Variants in NR3C2 observed in about 807,000 individuals in gnomAD.
The protein encoded by NR3C2 is mineralocorticoid receptor.
Under a neutral mutation model 86.4 loss-of-function variants are expected in NR3C2, and 15 were observed. The observed-to-expected ratio is 0.17, with a 90% CI of 0.12 to 0.27. NR3C2 has a LOEUF of 0.27. Ranked by LOEUF, NR3C2 falls within the 10% of genes least tolerant of loss-of-function variation. The pLI, the probability that NR3C2 is intolerant of heterozygous loss-of-function variation, is 1.00. For synonymous variants in NR3C2, 458 were observed against 450.5 expected, an observed-to-expected ratio of 1.02 and a Z score of -0.21; for missense variants, 960 against 1,195.6, an observed-to-expected ratio of 0.80 and a Z score of 2.91.
chr4:148,139,294 G>C (rs1733500315), intron 6 of NR3C2, among the ~76,000 whole-genome samples: 2 of 152,134 alleles, frequency 1.3e-5, no homozygotes, highest in African/African-American at 4.8e-5. Flanking sequence ...TCAAAACTTT[G>C]GGCTTTGGTT....
intron 8 of NR3C2, among the ~76,000 whole-genome samples, chr4:148,101,386 G>A (rs17024380): frequency 0.26 from 40,220 of 151,960 alleles, 6,178 homozygotes; most frequent in African/African-American, 0.42. Context: ...AGTCAGCCAC[G>A]AAAGCTATGA....
chr4:148,198,383 A>G (rs1736539318), intron 3 of NR3C2, among the ~76,000 whole-genome samples: 1 of 152,188 alleles, frequency 6.6e-6, no homozygotes, highest in Non-Finnish European at 1.5e-5. Context: ...CCTGGTCCCA[A>G]CTGAGAAAAT....
chr4:148,328,543 G>C (rs1334714378), intron 2 of NR3C2, among the ~76,000 whole-genome samples: 1 of 152,254 alleles, frequency 6.6e-6, no homozygotes, highest in South Asian at 2.1e-4. Context: ...AGGAATCAGA[G>C]GAGACCTCAC....
intron 2 of NR3C2, among the ~76,000 whole-genome samples, chr4:148,269,599 T>C (rs1260824990): frequency 6.6e-6 from 1 of 152,130 alleles, no homozygotes; most frequent in Non-Finnish European, 1.5e-5. Context: ...CAGCGGTTGC[T>C]GATACAATGA....
chr4:148,154,842 G>GCTGCTGTGGCTGCTC lies in NR3C2; in HGVS notation c.2059_2073dup (p.Glu687_Gln691dup), dbSNP rs1270509591. ...GGTGGGGGTGGGGGTGGGGGCTGCTGCTGCTGTGGCTGCTCCTCGTGAATC... is the reference window on the plus strand; with the variant it reads ...GGTGGGGGTGGGGGTGGGGGCTGCTGCTGCTGTGGCTGCTCCTGCTGTGGCTGCTCCTCGTGAATC... On this transcript the variant is annotated inframe_insertion, in exon 5 of 9. Transcript: ENST00000358102. 3 of 1,589,508 alleles carry GCTGCTGTGGCTGCTC rather than the reference G, an allele frequency of 1.9e-6. No homozygotes were observed. Among genetic ancestry groups the GCTGCTGTGGCTGCTC allele is most frequent in the Non-Finnish European group, 2.6e-6 (3 of 1,167,374 alleles).
chr4:148,322,195 T>G (rs1194085927), intron 2 of NR3C2, among the ~76,000 whole-genome samples: 1 of 149,378 alleles, frequency 6.7e-6, no homozygotes, highest in Non-Finnish European at 1.5e-5. Context: ...TTAAGAATGT[T>G]GAATATTGGC....
At chr4:148,380,251 A>G (rs1746901848) in intron 2 of NR3C2, among the ~76,000 whole-genome samples, 1 of 152,158 alleles carries the variant, frequency 6.6e-6, no homozygotes, top group Admixed American at 6.5e-5. Flanking sequence ...CATTGGGCAT[A>G]ATGTTTTCAA....
chr4:148,413,068 T>C (rs560473464), intron 2 of NR3C2, among the ~76,000 whole-genome samples: 1 of 152,310 alleles, frequency 6.6e-6, no homozygotes, highest in African/African-American at 2.4e-5. Context: ...ACAAGCATAA[T>C]ATTTTCATAA....
chr4:148,095,515 T>G (rs1329649073), intron 8 of NR3C2, among the ~76,000 whole-genome samples: 1 of 151,998 alleles, frequency 6.6e-6, no homozygotes, highest in Non-Finnish European at 1.5e-5. Context: ...AGTGGGTGAG[T>G]TTTGGAGAGT....
chr4:148,147,956 C>T (rs541409421), intron 6 of NR3C2, among the ~76,000 whole-genome samples: 112 of 152,306 alleles, frequency 7.4e-4, no homozygotes, highest in African/African-American at 2.5e-3. Context: ...TCTTTCCTTG[C>T]GATCCATGTG....
At chr4:148,280,916 C>T (rs564999610) in intron 2 of NR3C2, among the ~76,000 whole-genome samples, 10 of 152,284 alleles carry the variant, frequency 6.6e-5, no homozygotes, top group Middle Eastern at 3.4e-3. Context: ...CTCTTTTAGA[C>T]GAATCTTTAT....
intron 1 of NR3C2, among the ~76,000 whole-genome samples, chr4:148,438,963 A>G (rs62332388): frequency 0.27 from 41,757 of 152,130 alleles, 6,569 homozygotes; most frequent in Middle Eastern, 0.53. Context: ...TCACTTAAAG[A>G]ACATCCTATG....
chr4:148,348,484 C>A (rs992556), intron 2 of NR3C2, among the ~76,000 whole-genome samples: 1 of 151,912 alleles, frequency 6.6e-6, no homozygotes, highest in Non-Finnish European at 1.5e-5. Flanking sequence ...TCCAAATTCA[C>A]GAAATTTATT....
chr4:148,087,716 A>C (rs1730879803), intron 8 of NR3C2, among the ~76,000 whole-genome samples: 1 of 152,218 alleles, frequency 6.6e-6, no homozygotes, highest in Admixed American at 6.5e-5. Context: ...AATCAACTCA[A>C]GATGGATTAA....
intron 3 of NR3C2, among the ~76,000 whole-genome samples, chr4:148,223,994 G>T (rs988376607): frequency 2.0e-5 from 3 of 152,136 alleles, no homozygotes; most frequent in Non-Finnish European, 2.9e-5. Flanking sequence ...AGGTGTTGAC[G>T]ATGTTGATTT....
chr4:148,411,792 A>T (rs1546044), intron 2 of NR3C2, among the ~76,000 whole-genome samples: 110,810 of 152,120 alleles, frequency 0.73, 40,402 homozygotes, highest in East Asian at 0.81. Flanking sequence ...CAAAATTTAG[A>T]CTTCAGTGTT....
rs180996525 is a variant in NR3C2, at chr4:148,336,252, T to C, written c.1758-76135A>G. On this transcript the variant is annotated intron_variant, in intron 2 of 8. Transcript: ENST00000358102. ...GCACTAAAGCTATCTGTGTTAAGAA[T>C]AGGGAAGACCTAAGGCAGTGGCGGC... Among the ~76,000 whole-genome samples the C allele has an allele frequency of 1.0e-3, 152 of 152,172 alleles. 1 individual carries two copies. Among genetic ancestry groups the C allele is most frequent in the African/African-American group, 3.3e-3 (138 of 41,512 alleles).
At chr4:148,108,521 G>A (rs1177990416) in intron 8 of NR3C2, among the ~76,000 whole-genome samples, 2 of 152,164 alleles carry the variant, frequency 1.3e-5, no homozygotes, top group Admixed American at 6.5e-5. Context: ...TGCCCCTCTT[G>A]GAGCAGGGAA....
chr4:148,261,753 A>C (rs1393608516), intron 2 of NR3C2, among the ~76,000 whole-genome samples: 1 of 152,226 alleles, frequency 6.6e-6, no homozygotes, highest in African/African-American at 2.4e-5. Context: ...TGTCAATGAA[A>C]AGGCTAAAAT....
Sources: gnomAD v4.1 joint callset for allele counts (sites outside exome capture counted in the v4.1 genomes callset) on GRCh38, gnomAD v4.1.1 for gene constraint, MANE v1.5 for transcripts, NCBI Gene and HGNC (gene_info 2026-07-23, HGNC 2026-07-21) for gene names.